HCN1: variants seen among roughly 807,000 people sequenced by gnomAD.
HCN1 encodes hyperpolarization activated cyclic nucleotide gated potassium channel 1.
A neutral mutation model predicts 78.9 loss-of-function variants in HCN1; 13 were observed. The ratio of observed to expected loss-of-function variants is 0.16; its 90% confidence interval spans 0.11 to 0.26. The LOEUF is 0.26. Ranked by LOEUF, HCN1 falls within the 10% of genes least tolerant of loss-of-function variation. The pLI is 1.00. For missense variants in HCN1, 810 were observed against 1,154.3 expected (o/e 0.70, Z 4.32); for synonymous variants, 552 against 455.5 (o/e 1.21, Z -2.70).
intron 2 of HCN1, among the ~76,000 whole-genome samples, chr5:45,630,972 A>C (rs1363627332): frequency 6.6e-6 from 1 of 152,194 alleles, no homozygotes; most frequent in African/African-American, 2.4e-5. Context: ...TGGGTCATAC[A>C]GGAGCTATAT....
rs73101269 is a variant in HCN1 at position 45,539,213 on chromosome 5, A to G, written c.850-77206T>C. Among the ~76,000 whole-genome samples, 1,313 of 152,252 alleles carry G rather than the reference A, an allele frequency of 8.6e-3. 25 individuals carry two copies. Among genetic ancestry groups the G allele is most frequent in the African/African-American group, 0.031 (1,286 of 41,544 alleles). ...TGTATTAAATCATACAGCTTCTGCCACACAGTATATTTTCATAAAGCTTAG... is the reference window on the plus strand; with the variant it reads ...TGTATTAAATCATACAGCTTCTGCCGCACAGTATATTTTCATAAAGCTTAG... On this transcript the variant is annotated intron_variant, in intron 2 of 7. Transcript: ENST00000303230.
intron 7 of HCN1, among the ~76,000 whole-genome samples, chr5:45,264,878 C>A (rs1744826115): frequency 6.6e-6 from 1 of 152,118 alleles, no homozygotes; most frequent in African/African-American, 2.4e-5. Flanking sequence ...CGAACCATTT[C>A]ATGTAAATAT....
chr5:45,523,100 C>T (rs1742648582), intron 2 of HCN1, among the ~76,000 whole-genome samples: 1 of 150,460 alleles, frequency 6.6e-6, no homozygotes, highest in African/African-American at 2.4e-5. Flanking sequence ...TGAGTGAGAA[C>T]ATGTGGTGTT....
rs1238012429 is a variant in HCN1, at chr5:45,267,086, T to C, written c.1783+3A>G. ...ATATAAAGAAGGTAGAAAACTAGAG[T>C]ACCTATTCGATCTAGTCGGTCAATG... is the stretch of plus-strand genomic sequence containing the variant. On this transcript the variant is annotated splice_donor_region_variant and intron_variant, in intron 7 of 7. Coordinates refer to ENST00000303230, the MANE Select transcript of HCN1 (RefSeq NM_021072.4). 1.9e-6 allele frequency: 3 copies of C among 1,607,378 alleles called. No homozygotes were observed. The highest frequency in any genetic ancestry group is 1.3e-5 in the African/African-American group (1 of 74,844).
chr5:45,534,404 CAAAAAAAAAAAAAAAAAAAAAAA>C lies in HCN1; in HGVS notation c.850-72420_850-72398del, dbSNP rs71000637. ...TGGGCAACAGAGTGAGACTGCATCT[CAAAAAAAAAAAAAAAAAAAAAAA>C]AAAAAAAAAAAAAAAAAATTAATAC... On this transcript the variant is annotated intron_variant, in intron 2 of 7. Coordinates refer to ENST00000303230, the MANE Select transcript of HCN1 (RefSeq NM_021072.4). Among the ~76,000 whole-genome samples the C allele has an allele frequency of 7.4e-3, 216 of 29,316 alleles. 3 individuals carry two copies. Among genetic ancestry groups the C allele is most frequent in the Non-Finnish European group, 9.7e-3 (180 of 18,478 alleles). 19.2% of individuals were successfully genotyped at this position (29,316 alleles called of 152,430 possible). A position where few individuals can be genotyped will look rare whatever the true frequency, so the allele number is the denominator to read the frequency against.
At chr5:45,264,394 T>A (rs1221726203) in intron 7 of HCN1, among the ~76,000 whole-genome samples, 2 of 152,208 alleles carry the variant, frequency 1.3e-5, no homozygotes, top group East Asian at 3.9e-4. Flanking sequence ...GCATCATTGA[T>A]ACACTAATCT....
At chr5:45,617,975 C>T (rs1744986251) in intron 2 of HCN1, among the ~76,000 whole-genome samples, 1 of 152,122 alleles carries the variant, frequency 6.6e-6, no homozygotes, top group Non-Finnish European at 1.5e-5. Flanking sequence ...AAACTGTTCT[C>T]TCTGGTGAAA....
chr5:45,649,947 AAAAT>A (rs1323102105), intron 1 of HCN1, among the ~76,000 whole-genome samples: 1 of 152,128 alleles, frequency 6.6e-6, no homozygotes, highest in East Asian at 1.9e-4. Flanking sequence ...AGAATATGTT[AAAAT>A]AAATAAAATA....
intron 1 of HCN1, among the ~76,000 whole-genome samples, chr5:45,655,261 A>C (rs1176389318): frequency 6.6e-6 from 1 of 152,114 alleles, no homozygotes; most frequent in Non-Finnish European, 1.5e-5. Context: ...TAATAAATAA[A>C]ATATTTATTA....
chr5:45,429,541 G>A (rs1740421963), intron 3 of HCN1, among the ~76,000 whole-genome samples: 1 of 152,092 alleles, frequency 6.6e-6, no homozygotes, highest in Non-Finnish European at 1.5e-5. Flanking sequence ...AAAAAAAAAG[G>A]TGCAATCAAT....
chr5:45,312,936 G>A (rs1352951454), intron 5 of HCN1, among the ~76,000 whole-genome samples: 2 of 152,160 alleles, frequency 1.3e-5, no homozygotes, highest in Admixed American at 1.3e-4. Flanking sequence ...CTCCACCTCT[G>A]GGGGCAGGGC....
chr5:45,692,095 AAAT>A (rs1739926191), intron 1 of HCN1, among the ~76,000 whole-genome samples: 1 of 152,254 alleles, frequency 6.6e-6, no homozygotes, highest in African/African-American at 2.4e-5. Context: ...TGATGGAACA[AAAT>A]AATGACAGAA....
chr5:45,682,793 AGAT>A (rs1250689979), intron 1 of HCN1, among the ~76,000 whole-genome samples: 2 of 152,132 alleles, frequency 1.3e-5, no homozygotes, highest in Non-Finnish European at 2.9e-5. Flanking sequence ...TATGAGAAAT[AGAT>A]GATAACCTGG....
At chr5:45,686,892 G>C (rs1020148324) in intron 1 of HCN1, among the ~76,000 whole-genome samples, 1 of 152,150 alleles carries the variant, frequency 6.6e-6, no homozygotes, top group African/African-American at 2.4e-5. Flanking sequence ...CTCTGTGTTA[G>C]AGCCCATTTC....
chr5:45,339,541 A>G (rs1208502715), intron 5 of HCN1, among the ~76,000 whole-genome samples: 13 of 152,168 alleles, frequency 8.5e-5, no homozygotes, highest in Non-Finnish European at 1.8e-4. Flanking sequence ...GTGTCATATG[A>G]AGGAGTTTGG....
chr5:45,559,304 A>AAC (rs1743547682), intron 2 of HCN1: 1 of 152,110 alleles, frequency 6.6e-6, no homozygotes. Context: ...CTCATTATTT[A>AAC]AGAAATATAT....
At chr5:45,594,001 ACTG>A (rs1490509674) in intron 2 of HCN1, among the ~76,000 whole-genome samples, 3 of 152,218 alleles carry the variant, frequency 2.0e-5, no homozygotes, top group Non-Finnish European at 4.4e-5. Context: ...AATTTAGAGT[ACTG>A]CTGTTCTTCT....
chr5:45,373,633 ATATACGTCATCTATAATATATTACATACG>A (rs1173421700), intron 4 of HCN1, among the ~76,000 whole-genome samples: 5 of 135,232 alleles, frequency 3.7e-5, no homozygotes, highest in African/African-American at 1.4e-4. Flanking sequence ...TACATACGGT[ATATACGTCATCTATAATATATTACATACG>A]GTATATACGT....
chr5:45,377,588 T>TA (rs1046008004), intron 4 of HCN1, among the ~76,000 whole-genome samples: 3 of 151,546 alleles, frequency 2.0e-5, no homozygotes, highest in East Asian at 1.9e-4. Context: ...TAAGGCCAGT[T>TA]AAAAAAAAGT....
Sources: allele counts gnomAD v4.1 joint callset (sites outside exome capture counted in the v4.1 genomes callset), GRCh38; gene constraint gnomAD v4.1.1; transcripts MANE v1.5; gene names NCBI Gene and HGNC (gene_info 2026-07-23, HGNC 2026-07-21).